LRRC42: variants seen among roughly 807,000 people sequenced by gnomAD.
LRRC42 encodes the protein leucine rich repeat containing 42.
LRRC42 carries 43 observed loss-of-function variants against 44.3 expected under a neutral mutation model. That is an observed-to-expected ratio of 0.97 (90% CI 0.76 to 1.25). The LOEUF (loss-of-function observed/expected upper bound fraction) is 1.25, where lower values mean the gene tolerates loss of function less well. LRRC42 is among the 50% of genes most tolerant of loss of function. The pLI is 0.00. For missense variants in LRRC42, 540 were observed against 509.1 expected (o/e 1.06, Z -0.58); for synonymous variants, 207 against 195.2 (o/e 1.06, Z -0.50).
chr1:53,955,285 G>A (rs1654805798), intron 3 of LRRC42, among the ~76,000 whole-genome samples: 2 of 151,954 alleles, frequency 1.3e-5, no homozygotes, highest in African/African-American at 4.8e-5. Flanking sequence ...ATAATAATCA[G>A]AAAATATAGG....
chr1:53,962,937 TG>T (rs1349829703), intron 7 of LRRC42, among the ~76,000 whole-genome samples: 11 of 152,210 alleles, frequency 7.2e-5, no homozygotes, highest in Non-Finnish European at 1.5e-4. Context: ...TTTGTCTTGA[TG>T]GTCTTTCTTC....
chr1:53,962,960 T>C (rs1057078919), intron 7 of LRRC42, among the ~76,000 whole-genome samples: 2 of 152,122 alleles, frequency 1.3e-5, no homozygotes, highest in African/African-American at 2.4e-5. Flanking sequence ...CTTGGTAGAG[T>C]ACAGACTTAA....
chr1:53,966,887 A>C (rs1294895674), intron 8 of LRRC42, among the ~76,000 whole-genome samples: 1 of 152,080 alleles, frequency 6.6e-6, no homozygotes, highest in Non-Finnish European at 1.5e-5. Context: ...TAGAATAGTT[A>C]GATTCGTAGA....
In LRRC42 at chr1:53,960,430, T is replaced by G. The variant is rs1401206460; in HGVS notation, c.680T>G (p.Val227Gly). 4 of 1,613,914 alleles carry G rather than the reference T, an allele frequency of 2.5e-6. No individual in the cohort carries two copies. The Admixed American group carries it at 5.0e-5, about 20-fold the overall frequency. The change falls in exon 5 of 9, where the codon GTG becomes GGG. Residue 227 changes from valine to glycine, a missense_variant. Transcript: ENST00000371370. Reference protein sequence around the residue: ...GVRKMTAPVRVMKRGLENLTL... With the variant: ...GVRKMTAPVRGMKRGLENLTL... ...CGGAAGATGACAGCACCAGTTCGAG[T>G]GATGAAAAGAGGCCTTGAGAATCTA...
intron 3 of LRRC42, among the ~76,000 whole-genome samples, chr1:53,952,754 AAAGAC>A (rs1435836110): frequency 6.6e-6 from 1 of 152,262 alleles, no homozygotes; most frequent in African/African-American, 2.4e-5. Context: ...AGAAAATAGA[AAAGAC>A]AAAATGTGAT....
At chr1:53,950,341 G>T (rs1654638291) in intron 2 of LRRC42, among the ~76,000 whole-genome samples, 1 of 152,226 alleles carries the variant, frequency 6.6e-6, no homozygotes, top group African/African-American at 2.4e-5. Context: ...GACATAAGGA[G>T]ATGAGCAGGA....
chr1:53,957,038 C>T (rs1569834360), intron 3 of LRRC42, among the ~76,000 whole-genome samples: 2 of 152,216 alleles, frequency 1.3e-5, no homozygotes, highest in African/African-American at 4.8e-5. Flanking sequence ...ATCAGTGCCT[C>T]AGACCATCTG....
chr1:53,952,306 C>T lies in LRRC42; in HGVS notation c.307C>T (p.His103Tyr). The T allele has an allele frequency of 6.2e-7, 1 of 1,614,218 alleles. No homozygotes were observed. Among genetic ancestry groups the T allele is most frequent in the South Asian group, 1.1e-5 (1 of 91,082 alleles). Residue 103 changes from histidine (H) to tyrosine (Y), a missense_variant, in exon 3 of 9, where the codon CAC becomes TAC. His to Tyr is a moderately conservative substitution (Grantham distance 83). Coordinates refer to ENST00000371370, the MANE Select transcript of LRRC42 (RefSeq NM_001256409.2). ...VLGFISDNVD[H>Y]IDSLIGFPEQ... Reference sequence around the variant, plus strand: ...GGGTTTCATCTCCGACAATGTGGATCACATTGATTCCCTTATTGGCTTTCC... The same window carrying T: ...GGGTTTCATCTCCGACAATGTGGATTACATTGATTCCCTTATTGGCTTTCC...
chr1:53,953,021 T>C (rs1180478630), intron 3 of LRRC42, among the ~76,000 whole-genome samples: 1 of 152,220 alleles, frequency 6.6e-6, no homozygotes, highest in African/African-American at 2.4e-5. Context: ...TATTTAAAAT[T>C]TTTACTTTAC....
In LRRC42 at chr1:53,952,183, G is replaced by A. The variant is rs770790402; in HGVS notation, c.184G>A (p.Asp62Asn). ...GGAGCTTTGCATGAACAGGGAAGAC[G>A]ACACTGCACGGAAAGAGAAGACTGA... ...SVELCMNRED[D>N]TARKEKTDHF... is the part of the protein sequence containing the mutation. Residue 62 changes from aspartate to asparagine, a missense_variant, in exon 3 of 9, where the codon GAC becomes AAC. Transcript: ENST00000371370. 3.2e-5 allele frequency: 51 copies of A among 1,613,982 alleles called. No homozygotes were observed. The highest frequency in any genetic ancestry group is 3.3e-4 in the Middle Eastern group (2 of 6,084).
At chr1:53,949,763 T>TGGG (rs1654622034) in intron 2 of LRRC42, among the ~76,000 whole-genome samples, 1 of 152,214 alleles carries the variant, frequency 6.6e-6, no homozygotes, top group East Asian at 1.9e-4. Flanking sequence ...CCACCCCTTG[T>TGGG]AGTACCAGTA....
At chr1:53,951,942 T>C (rs764548626) in intron 2 of LRRC42, 44 bp from the exon 3 acceptor site, 2 of 1,422,068 alleles carry the variant, frequency 1.4e-6, no homozygotes, top group African/African-American at 1.4e-5. Flanking sequence ...ATGTTACAAA[T>C]GGCATTTTAA....
intron 8 of LRRC42, among the ~76,000 whole-genome samples, chr1:53,967,358 T>C (rs1029273828): frequency 2.0e-5 from 3 of 152,218 alleles, no homozygotes; most frequent in Non-Finnish European, 4.4e-5. Flanking sequence ...ATATCACCCT[T>C]ATGAAATAGG....
rs1162766494 is a variant in LRRC42, at chr1:53,958,207, C to G, written c.532C>G (p.Leu178Val). Reference protein sequence around the residue: ...EIKSFRELTCLDLSCCKLGDE... With the variant: ...EIKSFRELTCVDLSCCKLGDE... ...TAAGTCTTTCCGGGAGCTGACCTGC[C>G]TGGATCTTTCCTGTTGCAAGCTTGG... The change falls in exon 4 of 9, where the codon CTG becomes GTG. Residue 178 changes from leucine (L) to valine (V), a missense_variant. Coordinates refer to ENST00000371370, the MANE Select transcript of LRRC42 (RefSeq NM_001256409.2). 6.2e-7 allele frequency: 1 copy of G among 1,613,932 alleles called. No homozygotes were observed. Among genetic ancestry groups the G allele is most frequent in the South Asian group, 1.1e-5 (1 of 91,076 alleles).
Position 53,963,947 on chromosome 1 carries a change from A to ACCC in LRRC42, c.927+1546_927+1548dup, listed in dbSNP as rs5774166. On this transcript the variant is annotated intron_variant, in intron 7 of 8. Coordinates refer to ENST00000371370, the MANE Select transcript of LRRC42 (RefSeq NM_001256409.2). ...TAATAATTATTTTCCCCTCCTGCCC[A>ACCC]CCCCCCCCCCATCTTCATTGTCCCC... Among the ~76,000 whole-genome samples the ACCC allele has an allele frequency of 1.6e-4, 13 of 82,316 alleles. 1 individual carries two copies. The South Asian group carries it at 2.3e-3, about 14-fold the overall frequency. 54.0% of individuals were successfully genotyped at this position (82,316 alleles called of 152,430 possible). A position where few individuals can be genotyped will look rare whatever the true frequency, so the allele number is the denominator to read the frequency against.
intron 3 of LRRC42, among the ~76,000 whole-genome samples, chr1:53,956,547 G>A (rs1323526788): frequency 6.6e-6 from 1 of 152,122 alleles, no homozygotes; most frequent in African/African-American, 2.4e-5. Flanking sequence ...ACAAGTAATT[G>A]GGCTGTTAGA....
chr1:53,951,839 C>G, intron 2 of LRRC42, 147 bp from the exon 3 acceptor site: 2 of 648,472 alleles, frequency 3.1e-6, no homozygotes, highest in Non-Finnish European at 5.2e-6. Context: ...TGCCAAAGTT[C>G]CCAGGCAACT....
intron 7 of LRRC42, among the ~76,000 whole-genome samples, chr1:53,964,114 C>T (rs568361203): frequency 1.1e-4 from 16 of 152,116 alleles, no homozygotes; most frequent in South Asian, 8.3e-4. Flanking sequence ...TACTCCCTTG[C>T]GATTTAGTTC....
intron 7 of LRRC42, among the ~76,000 whole-genome samples, chr1:53,963,633 G>A (rs1287248464): frequency 1.3e-5 from 2 of 152,256 alleles, no homozygotes; most frequent in African/African-American, 2.4e-5. Flanking sequence ...CCTGCCCTCC[G>A]CCCTCAGCTG....
Sources: gnomAD v4.1 joint callset for allele counts (sites outside exome capture counted in the v4.1 genomes callset) on GRCh38, gnomAD v4.1.1 for gene constraint, MANE v1.5 for transcripts, NCBI Gene and HGNC (gene_info 2026-07-23, HGNC 2026-07-21) for gene names.